The following SLC16A7 variants were observed in gnomAD, a reference collection of about 807,000 sequenced individuals.
The protein encoded by SLC16A7 is solute carrier family 16 member 7, also known as monocarboxylate transporter 2.
In SLC16A7, 33 loss-of-function variants were observed where a neutral mutation model predicts 34.9. The ratio of observed to expected loss-of-function variants is 0.94; its 90% CI spans 0.72 to 1.26. The LOEUF (loss-of-function observed/expected upper bound fraction) is 1.26, where lower values mean the gene tolerates loss of function less well. Among genes scored for constraint, SLC16A7 ranks in the 50% most tolerant of loss-of-function variants. SLC16A7 has a pLI of 0.00. For missense variants in SLC16A7, 573 were observed against 578.1 expected, an observed-to-expected ratio of 0.99 and a Z score of 0.09; for synonymous variants, 201 against 206.6, an observed-to-expected ratio of 0.97 and a Z score of 0.23.
Position 59,704,791 on chromosome 12 carries a change from G to C in SLC16A7, c.-11G>C. ...ATATAGGTTACTTGAATTTCCACTA[G>C]AGGAGCAGAAATGCCACCAATGCCA... On this transcript the variant is annotated 5_prime_UTR_variant, in exon 3 of 6. Coordinates refer to ENST00000547379, the MANE Select transcript of SLC16A7 (RefSeq NM_001270623.2). The C allele has an allele frequency of 6.3e-7, 1 of 1,594,316 alleles. No individual in the cohort carries two copies. Among genetic ancestry groups the C allele is most frequent in the Non-Finnish European group, 8.6e-7 (1 of 1,163,176 alleles).
intron 4 of SLC16A7, among the ~76,000 whole-genome samples, chr12:59,772,595 T>C (rs997082702): frequency 1.3e-5 from 2 of 152,146 alleles, no homozygotes; most frequent in African/African-American, 4.8e-5. Flanking sequence ...GCAAATACTT[T>C]GACTTTGGTT....
At chr12:59,687,301 A>G (rs1032084940) in intron 2 of SLC16A7, among the ~76,000 whole-genome samples, 1 of 152,016 alleles carries the variant, frequency 6.6e-6, no homozygotes, top group African/African-American at 2.4e-5. Context: ...CTATCCTGCT[A>G]TTATGGCCTT....
At chr12:59,721,829 C>T (rs562592886) in intron 3 of SLC16A7, among the ~76,000 whole-genome samples, 1 of 152,056 alleles carries the variant, frequency 6.6e-6, no homozygotes, top group African/African-American at 2.4e-5. Flanking sequence ...CCATACAACA[C>T]ATTCTTGATT....
At chr12:59,665,387 T>G (rs1379243722) in intron 2 of SLC16A7, among the ~76,000 whole-genome samples, 1 of 152,030 alleles carries the variant, frequency 6.6e-6, no homozygotes, top group Non-Finnish European at 1.5e-5. Context: ...AAAAGTAACC[T>G]ATTTTTCCTA....
intron 3 of SLC16A7, among the ~76,000 whole-genome samples, chr12:59,767,700 A>G (rs1320093078): frequency 6.6e-6 from 1 of 152,088 alleles, no homozygotes; most frequent in Non-Finnish European, 1.5e-5. Context: ...CTTATTGACA[A>G]TGCACCTGGG....
intron 3 of SLC16A7, among the ~76,000 whole-genome samples, chr12:59,754,957 G>T (rs148498244): frequency 0.13 from 19,493 of 152,056 alleles, 1,296 homozygotes; most frequent in East Asian, 0.18. Context: ...TTCAATATAC[G>T]CAAACCAATA....
At chr12:59,672,381 G>A (rs1565641843) in intron 2 of SLC16A7, among the ~76,000 whole-genome samples, 1 of 150,686 alleles carries the variant, frequency 6.6e-6, no homozygotes. Context: ...GGTATGGAAA[G>A]CAGGCCGGAC....
At chr12:59,766,109 G>A (rs1034972276) in intron 3 of SLC16A7, among the ~76,000 whole-genome samples, 3 of 152,188 alleles carry the variant, frequency 2.0e-5, no homozygotes, top group Non-Finnish European at 4.4e-5. Flanking sequence ...GTGAATGGAA[G>A]TTCACTCATG....
chr12:59,752,309 G>C (rs958881228), intron 3 of SLC16A7, among the ~76,000 whole-genome samples: 35 of 152,296 alleles, frequency 2.3e-4, no homozygotes, highest in African/African-American at 8.4e-4. Flanking sequence ...ACCACTCTGA[G>C]CTACAGGAGG....
chr12:59,621,047 T>A (rs1184510313), intron 1 of SLC16A7, among the ~76,000 whole-genome samples: 1 of 151,928 alleles, frequency 6.6e-6, no homozygotes, highest in Non-Finnish European at 1.5e-5. Context: ...TGTTTTTAAA[T>A]AACAAGTCTA....
At chr12:59,737,236 A>C (rs749634803) in intron 3 of SLC16A7, among the ~76,000 whole-genome samples, 1 of 152,180 alleles carries the variant, frequency 6.6e-6, no homozygotes, top group Non-Finnish European at 1.5e-5. Context: ...TTTGGCACAC[A>C]CCTAAAAGCC....
At chr12:59,743,292 A>C (rs988749180) in intron 3 of SLC16A7, among the ~76,000 whole-genome samples, 7 of 152,326 alleles carry the variant, frequency 4.6e-5, no homozygotes, top group African/African-American at 1.7e-4. Context: ...CTACATTAAT[A>C]TTTTTGGACT....
chr12:59,776,765 C>T (rs989233802), intron 5 of SLC16A7, among the ~76,000 whole-genome samples: 5 of 151,974 alleles, frequency 3.3e-5, no homozygotes, highest in African/African-American at 9.7e-5. Context: ...CTCTGTCCAC[C>T]AGGGCTATCC....
intron 2 of SLC16A7, among the ~76,000 whole-genome samples, chr12:59,695,458 T>G (rs1872176126): frequency 6.6e-6 from 1 of 151,976 alleles, no homozygotes. Context: ...ACCCATTTAG[T>G]GTGAACTCTT....
At chr12:59,630,254 C>T (rs1268685958) in intron 1 of SLC16A7, among the ~76,000 whole-genome samples, 3 of 151,790 alleles carry the variant, frequency 2.0e-5, no homozygotes, top group Non-Finnish European at 4.4e-5. Context: ...CATTAAGTTG[C>T]ATATATTGGT....
intron 1 of SLC16A7, among the ~76,000 whole-genome samples, chr12:59,652,596 A>G (rs913947965): frequency 6.6e-6 from 1 of 151,862 alleles, no homozygotes; most frequent in Non-Finnish European, 1.5e-5. Context: ...ATACCATACT[A>G]TTTCCTACCT....
chr12:59,611,814 A>G (rs1389077521), intron 1 of SLC16A7, among the ~76,000 whole-genome samples: 3 of 152,234 alleles, frequency 2.0e-5, no homozygotes, highest in African/African-American at 7.2e-5. Flanking sequence ...TCATTCATTT[A>G]ACCTTAAAGT....
At chr12:59,615,593 T>C (rs560580821) in intron 1 of SLC16A7, among the ~76,000 whole-genome samples, 1 of 152,210 alleles carries the variant, frequency 6.6e-6, no homozygotes, top group Non-Finnish European at 1.5e-5. Flanking sequence ...TCTGTGAAAC[T>C]ATCACACTGT....
At chr12:59,741,060 G>A (rs1342637268) in intron 3 of SLC16A7, among the ~76,000 whole-genome samples, 1 of 152,164 alleles carries the variant, frequency 6.6e-6, no homozygotes, top group African/African-American at 2.4e-5. Flanking sequence ...TGAAATAAAA[G>A]AGGATACAAA....
Sources: gnomAD v4.1 joint callset for allele counts (sites outside exome capture counted in the v4.1 genomes callset) on GRCh38, gnomAD v4.1.1 for gene constraint, MANE v1.5 for transcripts, NCBI Gene and HGNC (gene_info 2026-07-23, HGNC 2026-07-21) for gene names.